SYCE1: variants seen among roughly 807,000 people sequenced by gnomAD.
SYCE1 encodes the protein synaptonemal complex central element protein 1.
A neutral mutation model predicts 55.1 loss-of-function variants in SYCE1; 37 were observed. That is an observed-to-expected ratio of 0.67 (90% CI 0.52 to 0.88). The LOEUF is 0.88. Ranked by LOEUF, SYCE1 falls within the 40% of genes least tolerant of loss-of-function variation. The pLI, the probability that SYCE1 is intolerant of heterozygous loss-of-function variation, is 0.00. For missense variants in SYCE1, 399 were observed against 416.4 expected, an observed-to-expected ratio of 0.96 and a Z score of 0.36; for synonymous variants, 163 against 159.4, an observed-to-expected ratio of 1.02 and a Z score of -0.17.
chr10:133,561,368 A>C (rs2133625746), intron 1 of SYCE1: 1 of 152,324 alleles, frequency 6.6e-6, no homozygotes, highest in Middle Eastern at 3.4e-3. Context: ...CAAGTTGCTG[A>C]GTTCTGGAAG....
In SYCE1 at chr10:133,557,951, C is replaced by T. The variant is rs56220516; in HGVS notation, c.320-33G>A. The T allele has an allele frequency of 4.3e-3, 6,953 of 1,613,392 alleles. 23 individuals carry two copies. Among genetic ancestry groups the T allele is most frequent in the Non-Finnish European group, 5.0e-3 (5,945 of 1,179,676 alleles). ...GAGAGCAACAGGGCCCTATGAGAAC[C>T]TGTCAAGGTATTGGGTTTTGGCAGG... On this transcript the variant is annotated intron_variant, in intron 5 of 12. Transcript: ENST00000343131.
At chr10:133,554,753 T>C (rs1291125746), downstream of SYCE1, 3 of 1,361,012 alleles carry the variant, frequency 2.2e-6, no homozygotes, top group African/African-American at 2.9e-5. Flanking sequence ...CCAGACCTCC[T>C]GGGCCCACTG....
chr10:133,565,419 C>CAGACCCT (rs1851904732), intron 1 of SYCE1, 38 bp downstream of exon 1: 3 of 1,503,268 alleles, frequency 2.0e-6, no homozygotes, highest in Non-Finnish European at 2.7e-6. Context: ...TCGGCGAGGT[C>CAGACCCT]AGACCCTCAC....
At chr10:133,558,985 G>C in intron 3 of SYCE1, 34 bp from the exon 4 acceptor site, 5 of 1,589,230 alleles carry the variant, frequency 3.1e-6, no homozygotes, top group Non-Finnish European at 3.4e-6. Flanking sequence ...TTGTGTGAGT[G>C]CAGCCTCTAT....
intron 12 of SYCE1, 100 bp from the exon 13 acceptor site, chr10:133,555,229 A>G: frequency 6.4e-7 from 1 of 1,550,964 alleles, no homozygotes; most frequent in Non-Finnish European, 8.8e-7. Context: ...CCAGTATGGG[A>G]AAGGCCCTCC....
In SYCE1 at chr10:133,556,054, G is replaced by C. The variant is rs747846714; in HGVS notation, c.529-7C>G. On this transcript the variant is annotated splice_polypyrimidine_tract_variant and splice_region_variant and intron_variant, in intron 8 of 12. Coordinates refer to ENST00000343131, the MANE Select transcript of SYCE1 (RefSeq NM_001143764.3). The stretch of plus-strand genomic sequence containing the variant: ...TTGCCAGCCGCTCTGGCATCTGAGG[G>C]GCAGAAAAGAGGCCTGTCCACTCCT... 6.2e-7 allele frequency: 1 copy of C among 1,613,122 alleles called. No individual in the cohort carries two copies. Among genetic ancestry groups the C allele is most frequent in the Non-Finnish European group, 8.5e-7 (1 of 1,179,996 alleles).
downstream of SYCE1, chr10:133,554,642 A>ATT: frequency 2.9e-6 from 2 of 679,714 alleles, no homozygotes; most frequent in Admixed American, 1.9e-5. Context: ...CTCATTTTTA[A>ATT]TTTTTTTTTT....
intron 8 of SYCE1, chr10:133,556,356 C>A: frequency 1.8e-6 from 1 of 542,094 alleles, no homozygotes; most frequent in Non-Finnish European, 3.3e-6. Context: ...CGGTTTAGCT[C>A]TGCAGCTCCT....
In SYCE1 at chr10:133,556,832, A is replaced by C. The variant is rs1360043484; in HGVS notation, c.465-10T>G. On this transcript the variant is annotated splice_polypyrimidine_tract_variant and intron_variant, in intron 7 of 12. Transcript: ENST00000343131. ...TTCCTCGAATGCCAACCTGGGAACC[A>C]ACCACAGGCATGAGGGGATATGGGC... 3.1e-6 allele frequency: 5 copies of C among 1,594,920 alleles called. No individual in the cohort carries two copies. The highest frequency in any genetic ancestry group is 4.3e-6 in the Non-Finnish European group (5 of 1,170,496).
At chr10:133,568,004 G>A, upstream of SYCE1, 1 of 599,808 alleles carries the variant, frequency 1.7e-6, no homozygotes, top group Non-Finnish European at 3.1e-6. Context: ...CAAGACTGTG[G>A]GCAAGGGAGG....
chr10:133,556,783 C>T lies in SYCE1; in HGVS notation c.504G>A (p.Gln168=). ...FEEQLEDLMG[Q]HKDLWDFHMP... ...CGTGGAAGTCCCAGAGGTCCTTGTG[C>T]TGGCCCATCAGATCTTCCAGCTGTT... The change falls in exon 8 of 13, where the codon CAG becomes CAA. Residue 168 remains glutamine (Q), a synonymous_variant. Transcript: ENST00000343131. The T allele has an allele frequency of 6.4e-7, 1 of 1,572,244 alleles. No homozygotes were observed. Among genetic ancestry groups the T allele is most frequent in the African/African-American group, 1.4e-5 (1 of 73,864 alleles).
intron 1 of SYCE1, 44 bp from the exon 2 acceptor site, chr10:133,560,197 A>G (rs934900462): frequency 1.3e-6 from 2 of 1,582,640 alleles, no homozygotes; most frequent in Non-Finnish European, 1.7e-6. Flanking sequence ...GCAGGGCGAG[A>G]GGCCACCCCT....
At position 133,555,716 on chromosome 10, in the gene SYCE1, C is replaced by A; in HGVS notation, c.720-9G>T. ...CTTCCTGAAACAGCTGCCTGGGGGG[C>A]CCAGTAGGGGGTGGTCAGCACCGGC... On this transcript the variant is annotated splice_polypyrimidine_tract_variant and intron_variant, in intron 10 of 12. Transcript: ENST00000343131. 6.2e-7 allele frequency: 1 copy of A among 1,606,572 alleles called. No homozygotes were observed. The highest frequency in any genetic ancestry group is 8.5e-7 in the Non-Finnish European group (1 of 1,179,898).
At chr10:133,567,437 CAG>C (rs60844451), upstream of SYCE1, among the ~76,000 whole-genome samples, 14,028 of 150,660 alleles carry the variant, frequency 0.093, 818 homozygotes, top group East Asian at 0.25. Flanking sequence ...GCGTTAGGGT[CAG>C]GGGTTAGGGG....
rs201873178 is a variant in SYCE1, at chr10:133,558,876, C to T, written c.271+1G>A. 336 of 1,613,588 alleles carry T rather than the reference C, an allele frequency of 2.1e-4. No homozygotes were observed. Among genetic ancestry groups the T allele is most frequent in the Non-Finnish European group, 2.5e-4 (298 of 1,179,874 alleles). ...CTCTGGGTGACCCCCGGCTCTCTTACGCGAGTCCAGTTCCTTCTGCAGGGC... is the reference window on the plus strand; with the variant it reads ...CTCTGGGTGACCCCCGGCTCTCTTATGCGAGTCCAGTTCCTTCTGCAGGGC... On this transcript the variant is annotated splice_donor_variant, in intron 4 of 12. Coordinates refer to ENST00000343131, the MANE Select transcript of SYCE1 (RefSeq NM_001143764.3). LOFTEE classifies it high-confidence loss of function.
chr10:133,567,940 G>A (rs763318689), upstream of SYCE1: 14 of 555,298 alleles, frequency 2.5e-5, no homozygotes, highest in Middle Eastern at 4.7e-4. Flanking sequence ...TGGGCAGGAC[G>A]GTGGATGGCG....
chr10:133,556,793 A>T lies in SYCE1; in HGVS notation c.494T>A (p.Leu165Gln). The stretch of plus-strand genomic sequence containing the variant: ...CCAGAGGTCCTTGTGCTGGCCCATC[A>T]GATCTTCCAGCTGTTCCTCGAATGC... Reference protein sequence around the residue: ...RLAFEEQLEDLMGQHKDLWDF... With the variant: ...RLAFEEQLEDQMGQHKDLWDF... Residue 165 changes from leucine to glutamine, a missense_variant, in exon 8 of 13, where the codon CTG becomes CAG. Transcript: ENST00000343131. 1 of 1,576,256 alleles carries T rather than the reference A, an allele frequency of 6.3e-7. No homozygotes were observed. Among genetic ancestry groups the T allele is most frequent in the South Asian group, 1.2e-5 (1 of 86,462 alleles).
chr10:133,557,791 C>A (rs1851723078), intron 6 of SYCE1, 73 bp downstream of exon 6: 2 of 1,541,952 alleles, frequency 1.3e-6, no homozygotes, highest in Non-Finnish European at 1.8e-6. Context: ...GTCTCAGATT[C>A]ATCTTCCTGC....
At chr10:133,559,941 C>G in intron 2 of SYCE1, 150 bp downstream of exon 2, 1 of 690,668 alleles carries the variant, frequency 1.4e-6, no homozygotes, top group East Asian at 2.8e-5. Context: ...ACATGGGGCC[C>G]TATTTTTAGT....
Sources: allele counts gnomAD v4.1 joint callset (sites outside exome capture counted in the v4.1 genomes callset), GRCh38; gene constraint gnomAD v4.1.1; transcripts MANE v1.5; gene names NCBI Gene and HGNC (gene_info 2026-07-23, HGNC 2026-07-21).